PHKB: variants seen among roughly 807,000 people sequenced by gnomAD.
PHKB encodes phosphorylase b kinase regulatory subunit beta.
Under a neutral mutation model 152.1 loss-of-function variants are expected in PHKB, and 122 were observed. The ratio of observed to expected loss-of-function variants is 0.80; its 90% CI spans 0.69 to 0.93. The LOEUF is 0.93. Ranked by LOEUF, PHKB falls within the 40% of genes least tolerant of loss-of-function variation. The pLI, the probability that PHKB is intolerant of heterozygous loss-of-function variation, is 0.00. For missense variants in PHKB, 1,304 were observed against 1,328.4 expected, an observed-to-expected ratio of 0.98 and a Z score of 0.29; for synonymous variants, 436 against 464.9, an observed-to-expected ratio of 0.94 and a Z score of 0.80.
chr16:47,463,884 T>C, intron 1 of PHKB: 1 of 1,606,170 alleles, frequency 6.2e-7, no homozygotes, highest in Non-Finnish European at 8.5e-7. Context: ...CTAAACAGTT[T>C]TAAAATTGCT....
intron 9 of PHKB, 120 bp downstream of exon 9, chr16:47,587,883 G>A (rs189797095): frequency 6.2e-6 from 5 of 803,842 alleles, no homozygotes; most frequent in African/African-American, 3.4e-5. Flanking sequence ...AGGGATAAGA[G>A]GACATGATAG....
At chr16:47,624,344 A>T (rs558679038) in intron 14 of PHKB, among the ~76,000 whole-genome samples, 1 of 152,366 alleles carries the variant, frequency 6.6e-6, no homozygotes, top group African/African-American at 2.4e-5. Flanking sequence ...AAGAAGATGA[A>T]TTTAATATGG....
chr16:47,482,324 C>T (rs1969977002), intron 1 of PHKB, among the ~76,000 whole-genome samples: 1 of 152,208 alleles, frequency 6.6e-6, no homozygotes. Context: ...GCATTCATTA[C>T]CTACAAACTC....
chr16:47,510,866 A>C (rs1457333783), intron 4 of PHKB, among the ~76,000 whole-genome samples: 3 of 152,172 alleles, frequency 2.0e-5, no homozygotes, highest in Non-Finnish European at 2.9e-5. Flanking sequence ...TATTGCATTT[A>C]CCTAGAGGTA....
intron 25 of PHKB, among the ~76,000 whole-genome samples, chr16:47,668,550 C>T (rs1357847707): frequency 1.3e-5 from 2 of 152,182 alleles, no homozygotes; most frequent in Non-Finnish European, 2.9e-5. Flanking sequence ...GCTTATTCCC[C>T]TTGCCAGCTT....
intron 6 of PHKB, among the ~76,000 whole-genome samples, chr16:47,535,071 C>G (rs201480217): frequency 6.6e-6 from 1 of 152,200 alleles, no homozygotes; most frequent in African/African-American, 2.4e-5. Flanking sequence ...TGAGCAGTTA[C>G]TCACTGCAGG....
intron 13 of PHKB, among the ~76,000 whole-genome samples, chr16:47,609,989 T>G: frequency 6.6e-6 from 1 of 151,800 alleles, no homozygotes; most frequent in Admixed American, 6.6e-5. Context: ...CACTGTCTTT[T>G]TTTGTTTGTT....
At chr16:47,474,222 C>T (rs1969829915) in intron 1 of PHKB, among the ~76,000 whole-genome samples, 1 of 151,800 alleles carries the variant, frequency 6.6e-6, no homozygotes, top group Non-Finnish European at 1.5e-5. Context: ...TATTGTTTTA[C>T]TCCCTTTGTT....
intron 14 of PHKB, among the ~76,000 whole-genome samples, chr16:47,640,829 T>G (rs1236022934): frequency 6.6e-6 from 1 of 152,142 alleles, no homozygotes; most frequent in Non-Finnish European, 1.5e-5. Context: ...TTCCATTCCT[T>G]TGTGTTCCAT....
At chr16:47,551,924 T>G (rs1370228872) in intron 7 of PHKB, among the ~76,000 whole-genome samples, 1 of 152,252 alleles carries the variant, frequency 6.6e-6, no homozygotes, top group Non-Finnish European at 1.5e-5. Flanking sequence ...ATATATAGGA[T>G]AGTTAGCTCT....
intron 1 of PHKB, among the ~76,000 whole-genome samples, chr16:47,468,404 C>T (rs778897014): frequency 6.6e-6 from 1 of 152,256 alleles, no homozygotes; most frequent in Non-Finnish European, 1.5e-5. Context: ...ATAATCCCAG[C>T]ACTGTGGGAG....
intron 14 of PHKB, among the ~76,000 whole-genome samples, chr16:47,631,848 T>G (rs1053768781): frequency 6.6e-6 from 1 of 152,202 alleles, no homozygotes; most frequent in African/African-American, 2.4e-5. Flanking sequence ...GTGGTGTATA[T>G]GTGCCACATT....
intron 1 of PHKB, among the ~76,000 whole-genome samples, chr16:47,475,380 C>T (rs1198418653): frequency 1.3e-5 from 2 of 152,112 alleles, no homozygotes; most frequent in African/African-American, 4.8e-5. Context: ...CCACAGATCT[C>T]GATGTCCTAA....
chr16:47,487,786 T>A (rs1970074598), intron 1 of PHKB, among the ~76,000 whole-genome samples: 1 of 152,232 alleles, frequency 6.6e-6, no homozygotes, highest in Non-Finnish European at 1.5e-5. Flanking sequence ...CATTTTTTTA[T>A]GGCTGCATGG....
At chr16:47,554,773 G>A (rs192683309) in intron 7 of PHKB, among the ~76,000 whole-genome samples, 98 of 152,242 alleles carry the variant, frequency 6.4e-4, no homozygotes, top group African/African-American at 2.2e-3. Context: ...AGGGGAGGGA[G>A]TTCCCTGAAG....
At chr16:47,571,567 G>GGACT (rs1451374824) in intron 7 of PHKB, among the ~76,000 whole-genome samples, 7 of 152,110 alleles carry the variant, frequency 4.6e-5, no homozygotes, top group Admixed American at 2.0e-4. Flanking sequence ...AGAGACAGTG[G>GGACT]GACTCTATCT....
intron 9 of PHKB, among the ~76,000 whole-genome samples, chr16:47,588,164 T>C (rs1971966145): frequency 6.6e-6 from 1 of 152,148 alleles, no homozygotes; most frequent in Non-Finnish European, 1.5e-5. Context: ...CCTTGCCTGA[T>C]CAACTTCTGT....
At chr16:47,471,159 C>T (rs1597010063) in intron 1 of PHKB, among the ~76,000 whole-genome samples, 1 of 152,116 alleles carries the variant, frequency 6.6e-6, no homozygotes, top group South Asian at 2.1e-4. Flanking sequence ...TATTTAACTC[C>T]TAGAAATAGG....
At position 47,669,296 on chromosome 16, in the gene PHKB, T is replaced by C; in HGVS notation, c.2509T>C (p.Tyr837His). The change falls in exon 26 of 31, where the codon TAT (tyrosine) becomes CAT (histidine). Residue 837 changes from tyrosine (Y) to histidine (H), a missense_variant. Transcript: ENST00000323584. ...AAGAGTGATTCAAAACATCATCTAT[T>C]ATAAGTGTAACACCCATGATGAGAG... ...SPRVIQNIIY[Y>H]KCNTHDEREA... is the part of the protein sequence containing the mutation. 1 of 1,614,020 alleles carries C rather than the reference T, an allele frequency of 6.2e-7. No homozygotes were observed. Among genetic ancestry groups the C allele is most frequent in the Non-Finnish European group, 8.5e-7 (1 of 1,179,872 alleles).
Sources: gnomAD v4.1 joint callset for allele counts (sites outside exome capture counted in the v4.1 genomes callset) on GRCh38, gnomAD v4.1.1 for gene constraint, MANE v1.5 for transcripts, NCBI Gene and HGNC (gene_info 2026-07-23, HGNC 2026-07-21) for gene names.